Variants in SEMA3A observed in about 807,000 individuals in gnomAD.
SEMA3A encodes semaphorin 3A.
SEMA3A carries 29 observed loss-of-function variants against 97.9 expected under a neutral mutation model. The ratio of observed to expected loss-of-function variants is 0.30; its 90% CI spans 0.22 to 0.40. The LOEUF (loss-of-function observed/expected upper bound fraction) is 0.40. Ranked by LOEUF, SEMA3A falls within the 10% of genes least tolerant of loss-of-function variation. SEMA3A has a pLI of 1.00. For missense variants in SEMA3A, 763 were observed against 951.3 expected (o/e 0.80, Z 2.60); for synonymous variants, 321 against 323.7 (o/e 0.99, Z 0.09).
chr7:84,477,062 T>TAA (rs1423521163), intron 1 of SEMA3A, among the ~76,000 whole-genome samples: 4,138 of 127,324 alleles, frequency 0.032, 109 homozygotes, highest in African/African-American at 0.074. Context: ...ATGTGTTTGT[T>TAA]AAAAAAAAAA....
At chr7:84,221,132 C>T (rs1024026235) in intron 3 of SEMA3A, among the ~76,000 whole-genome samples, 27 of 152,128 alleles carry the variant, frequency 1.8e-4, no homozygotes, top group Admixed American at 6.6e-5. Context: ...TCACCTTGCA[C>T]TTTTATTTTA....
intron 4 of SEMA3A, among the ~76,000 whole-genome samples, chr7:84,067,956 A>G (rs1336241364): frequency 1.4e-5 from 2 of 140,744 alleles, no homozygotes; most frequent in Non-Finnish European, 3.0e-5. Flanking sequence ...TCATGCTGCT[A>G]TAAAGACACA....
intron 4 of SEMA3A, among the ~76,000 whole-genome samples, chr7:84,084,036 T>G (rs1232067324): frequency 6.6e-6 from 1 of 152,064 alleles, no homozygotes; most frequent in African/African-American, 2.4e-5. Flanking sequence ...AAATTTCTGC[T>G]TGGCTGGGCA....
At chr7:84,185,742 A>C (rs2116251286) in intron 1 of SEMA3A, among the ~76,000 whole-genome samples, 1 of 150,686 alleles carries the variant, frequency 6.6e-6, no homozygotes, top group African/African-American at 2.4e-5. Flanking sequence ...AATTCTAAAA[A>C]CATGAAGAAA....
intron 3 of SEMA3A, among the ~76,000 whole-genome samples, chr7:84,224,342 T>A (rs1405217610): frequency 6.6e-6 from 1 of 151,964 alleles, no homozygotes. Flanking sequence ...TACAGAAAAA[T>A]TCAAATATTA....
chr7:84,398,235 G>T (rs2116199552), intron 1 of SEMA3A, among the ~76,000 whole-genome samples: 1 of 152,034 alleles, frequency 6.6e-6, no homozygotes, highest in African/African-American at 2.4e-5. Flanking sequence ...TCTCATTATT[G>T]AAACTAATAG....
At chr7:83,967,023 T>G (rs1161194484) in intron 15 of SEMA3A, among the ~76,000 whole-genome samples, 1 of 152,168 alleles carries the variant, frequency 6.6e-6, no homozygotes, top group East Asian at 1.9e-4. Context: ...AAGTAAATTT[T>G]TATTGGATAC....
intron 1 of SEMA3A, among the ~76,000 whole-genome samples, chr7:84,415,847 A>G (rs1006340677): frequency 3.3e-5 from 5 of 151,408 alleles, no homozygotes; most frequent in African/African-American, 1.2e-4. Context: ...TATTTTTTTT[A>G]TAGCAATTTT....
intron 3 of SEMA3A, among the ~76,000 whole-genome samples, chr7:84,220,021 A>G (rs1199652982): frequency 6.6e-6 from 1 of 152,146 alleles, no homozygotes; most frequent in East Asian, 1.9e-4. Flanking sequence ...TAATTTCTCA[A>G]TAGTATGTGA....
At chr7:84,035,211 A>C (rs1346925005) in intron 6 of SEMA3A, among the ~76,000 whole-genome samples, 1 of 152,128 alleles carries the variant, frequency 6.6e-6, no homozygotes, top group African/African-American at 2.4e-5. Context: ...GATCTTACTG[A>C]GACCAATGAA....
intron 1 of SEMA3A, among the ~76,000 whole-genome samples, chr7:84,385,532 T>A (rs1803376242): frequency 6.6e-6 from 1 of 152,198 alleles, no homozygotes; most frequent in Non-Finnish European, 1.5e-5. Context: ...TTAATTTAAA[T>A]CTTCATTATG....
chr7:84,168,221 C>A (rs1333789091), intron 1 of SEMA3A, among the ~76,000 whole-genome samples: 1 of 151,954 alleles, frequency 6.6e-6, no homozygotes, highest in Non-Finnish European at 1.5e-5. Flanking sequence ...GGTAGCAAGA[C>A]AAAATAATGT....
At chr7:84,430,706 C>T (rs565585914) in intron 1 of SEMA3A, among the ~76,000 whole-genome samples, 51 of 151,522 alleles carry the variant, frequency 3.4e-4, no homozygotes, top group Non-Finnish European at 7.1e-4. Context: ...GCTGAGAGAG[C>T]CAGGCATATA....
intron 3 of SEMA3A, among the ~76,000 whole-genome samples, chr7:84,260,832 T>C (rs1799837331): frequency 6.6e-6 from 1 of 152,110 alleles, no homozygotes; most frequent in Non-Finnish European, 1.5e-5. Flanking sequence ...GCAGATAGGC[T>C]TAGGGGCAGA....
chr7:84,067,279 G>T (rs1793549793), intron 4 of SEMA3A, among the ~76,000 whole-genome samples: 1 of 152,094 alleles, frequency 6.6e-6, no homozygotes, highest in South Asian at 2.1e-4. Flanking sequence ...ATTCAAGATG[G>T]ATTAAAGACT....
chr7:84,316,130 CAAAAAAAAAA>C (rs202005657), intron 2 of SEMA3A, among the ~76,000 whole-genome samples: 3 of 30,220 alleles, frequency 9.9e-5, no homozygotes, highest in Non-Finnish European at 1.5e-4. Flanking sequence ...GACTCTATCT[CAAAAAAAAAA>C]AAAAAAAAAA....
At chr7:84,065,570 A>T (rs1404348750) in intron 4 of SEMA3A, among the ~76,000 whole-genome samples, 5 of 147,924 alleles carry the variant, frequency 3.4e-5, no homozygotes, top group African/African-American at 1.3e-4. Flanking sequence ...AGACGCAATA[A>T]GAAATGATAA....
intron 3 of SEMA3A, among the ~76,000 whole-genome samples, chr7:84,202,553 T>A (rs1410019753): frequency 6.6e-6 from 1 of 152,184 alleles, no homozygotes; most frequent in Non-Finnish European, 1.5e-5. Context: ...GCTGTTGACA[T>A]GACTTGGTAG....
intron 3 of SEMA3A, among the ~76,000 whole-genome samples, chr7:84,204,877 C>A (rs1044597190): frequency 6.6e-6 from 1 of 152,140 alleles, no homozygotes; most frequent in Non-Finnish European, 1.5e-5. Flanking sequence ...AAGAGAGCAA[C>A]GTTTCACCAC....
Sources: allele counts gnomAD v4.1 joint callset (sites outside exome capture counted in the v4.1 genomes callset), GRCh38; gene constraint gnomAD v4.1.1; transcripts MANE v1.5; gene names NCBI Gene and HGNC (gene_info 2026-07-23, HGNC 2026-07-21).